GPRASP3: variants seen among roughly 807,000 people sequenced by gnomAD.
GPRASP3 encodes the protein G protein-coupled receptor associated sorting protein 3.
the GPRASP3 span, among the ~76,000 whole-genome samples, chrX:102,723,129 T>A: frequency 7.1e-5 from 8 of 111,998 alleles, no homozygotes; most frequent in Non-Finnish European, 1.3e-4. Flanking sequence ...TTAAAAATTT[T>A]AAAAAATTTT....
the GPRASP3 span, chrX:102,749,026 C>T: frequency 1.7e-6 from 2 of 1,207,887 alleles, no homozygotes; most frequent in Non-Finnish European, 2.2e-6. Context: ...GACAAGAGCC[C>T]AGGCCAAAAC....
the GPRASP3 span, among the ~76,000 whole-genome samples, chrX:102,745,082 T>C: frequency 9.0e-6 from 1 of 111,098 alleles, no homozygotes; most frequent in Non-Finnish European, 1.9e-5. Context: ...GGAGCGCAGC[T>C]GGAATCTGGG....
the GPRASP3 span, chrX:102,745,917 A>T: frequency 2.7e-5 from 3 of 111,155 alleles, no homozygotes; most frequent in Non-Finnish European, 3.8e-5. Context: ...GTCGGAACTA[A>T]GGTGGGCCTG....
At chrX:102,733,823 C>A in the GPRASP3 span, among the ~76,000 whole-genome samples, 1 of 110,495 alleles carries the variant, frequency 9.1e-6, no homozygotes, top group African/African-American at 3.3e-5. Flanking sequence ...ACCAAACAGG[C>A]TTTGTGTGAG....
At chrX:102,728,097 T>A in the GPRASP3 span, among the ~76,000 whole-genome samples, 913 of 112,055 alleles carry the variant, frequency 8.1e-3, 10 homozygotes, top group African/African-American at 0.028. Flanking sequence ...TAGATTCTAA[T>A]AGTATCATGC....
chrX:102,747,906 T>C, the GPRASP3 span: 1 of 112,136 alleles, frequency 8.9e-6, no homozygotes, highest in Non-Finnish European at 1.9e-5. Flanking sequence ...TTCATTTGGA[T>C]TCAAGGTAGG....
chrX:102,739,938 G>A, the GPRASP3 span, among the ~76,000 whole-genome samples: 14 of 112,265 alleles, frequency 1.2e-4, no homozygotes, highest in African/African-American at 4.5e-4. Context: ...AAGTCATGTG[G>A]CATGCAAAGT....
chrX:102,737,309 C>T, the GPRASP3 span, among the ~76,000 whole-genome samples: 3 of 111,936 alleles, frequency 2.7e-5, no homozygotes, highest in Non-Finnish European at 5.6e-5. Context: ...TTGAACTTTA[C>T]CAAAAGTAAC....
At chrX:102,728,517 T>A in the GPRASP3 span, among the ~76,000 whole-genome samples, 1 of 108,811 alleles carries the variant, frequency 9.2e-6, no homozygotes, top group African/African-American at 3.4e-5. Context: ...GCAACCTAAT[T>A]CCCAGATGTG....
chrX:102,726,099 G>C, the GPRASP3 span, among the ~76,000 whole-genome samples: 3 of 111,580 alleles, frequency 2.7e-5, no homozygotes, highest in Non-Finnish European at 5.6e-5. Context: ...CTCTACTAAG[G>C]GCTCTAAATG....
chrX:102,739,794 A>C, the GPRASP3 span, among the ~76,000 whole-genome samples: 1 of 112,165 alleles, frequency 8.9e-6, no homozygotes, highest in Non-Finnish European at 1.9e-5. Flanking sequence ...AGACAGGGGA[A>C]AGATGGAATG....
chrX:102,749,328 C>A, the GPRASP3 span: 4 of 1,211,883 alleles, frequency 3.3e-6, no homozygotes, highest in Non-Finnish European at 3.3e-6. Flanking sequence ...ATGCCTGGTT[C>A]TGGGCTGGGG....
At chrX:102,729,794 C>T in the GPRASP3 span, among the ~76,000 whole-genome samples, 44 of 111,657 alleles carry the variant, frequency 3.9e-4, no homozygotes, top group East Asian at 8.5e-3. Context: ...CGCTTGAACC[C>T]GGGAGGTGGA....
the GPRASP3 span, among the ~76,000 whole-genome samples, chrX:102,725,534 T>A: frequency 9.2e-6 from 1 of 108,358 alleles, no homozygotes; most frequent in Middle Eastern, 4.7e-3. Context: ...TTTCTTTTTT[T>A]TTTTTTTTTT....
the GPRASP3 span, chrX:102,745,923 G>T: frequency 9.0e-6 from 1 of 111,133 alleles, no homozygotes. Flanking sequence ...ACTAAGGTGG[G>T]CCTGAGAGGG....
chrX:102,741,824 CAAGTA>C, the GPRASP3 span, among the ~76,000 whole-genome samples: 1 of 111,845 alleles, frequency 8.9e-6, no homozygotes, highest in Non-Finnish European at 1.9e-5. Context: ...AGAAACCATG[CAAGTA>C]AAGAAGAGAG....
At chrX:102,752,994 G>A in the GPRASP3 span, 1 of 119,680 alleles carries the variant, frequency 8.4e-6, no homozygotes, top group African/African-American at 3.3e-5. Flanking sequence ...TGTTGGCCAG[G>A]CTGGTCTTGA....
the GPRASP3 span, among the ~76,000 whole-genome samples, chrX:102,731,106 A>G: frequency 8.9e-6 from 1 of 112,870 alleles, no homozygotes; most frequent in Admixed American, 9.4e-5. Flanking sequence ...CAAACATCCA[A>G]CCACAGATCC....
At chrX:102,743,523 C>T in the GPRASP3 span, among the ~76,000 whole-genome samples, 33 of 110,969 alleles carry the variant, frequency 3.0e-4, no homozygotes, top group Admixed American at 3.1e-3. Context: ...TATGTAACCG[C>T]CCGATGGGTT....
Sources: gnomAD v4.1 joint callset for allele counts (sites outside exome capture counted in the v4.1 genomes callset) on GRCh38, gnomAD v4.1.1 for gene constraint, MANE v1.5 for transcripts, NCBI Gene and HGNC (gene_info 2026-07-23, HGNC 2026-07-21) for gene names.